The following ZNF609 variants were observed in gnomAD, a reference collection of about 807,000 sequenced individuals.
ZNF609 encodes the protein zinc finger protein 609.
In ZNF609, 11 loss-of-function variants were observed where a neutral mutation model predicts 109.5. The ratio of observed to expected loss-of-function variants is 0.10; its 90% CI spans 0.06 to 0.17. The LOEUF (loss-of-function observed/expected upper bound fraction) is 0.17. ZNF609 is among the 10% of genes least tolerant of loss of function. ZNF609 has a pLI of 1.00. For synonymous variants in ZNF609, 646 were observed against 662.0 expected (o/e 0.98, Z 0.37); for missense variants, 1,559 against 1,772.4 (o/e 0.88, Z 2.16).
At chr15:64,637,691 A>G (rs372247975) in intron 3 of ZNF609, among the ~76,000 whole-genome samples, 2 of 151,876 alleles carry the variant, frequency 1.3e-5, no homozygotes, top group African/African-American at 4.8e-5. Flanking sequence ...TCTTTTACGA[A>G]GTGTCTGTTC....
Position 64,470,847 on chromosome 15 carries a change from A to G in ZNF609, c.-128+10009A>G, listed in dbSNP as rs1893081705. On this transcript the variant is annotated intron_variant, in intron 1 of 9. Coordinates refer to ENST00000326648, the MANE Select transcript of ZNF609 (RefSeq NM_015042.2). The stretch of plus-strand genomic sequence containing the variant: ...TTTCAAGCAGTTTTAAGGAAATAAA[A>G]TTACACAGCCAAGTTGTTAATTCCC... Among the ~76,000 whole-genome samples, 5 of 152,340 alleles carry G rather than the reference A, an allele frequency of 3.3e-5. No individual in the cohort carries two copies. The South Asian group carries it at 1.0e-3, about 32-fold the overall frequency.
chr15:64,486,390 G>A (rs1021513782), intron 1 of ZNF609, among the ~76,000 whole-genome samples: 4 of 151,966 alleles, frequency 2.6e-5, no homozygotes, highest in African/African-American at 7.2e-5. Flanking sequence ...CGGGTGTGGC[G>A]ACGTGCGCCT....
chr15:64,468,341 G>C (rs181041217), intron 1 of ZNF609, among the ~76,000 whole-genome samples: 1 of 150,840 alleles, frequency 6.6e-6, no homozygotes, highest in African/African-American at 2.4e-5. Context: ...CCTTAAGACA[G>C]GGTCTCACTC....
intron 1 of ZNF609, among the ~76,000 whole-genome samples, chr15:64,482,853 T>C (rs1302407706): frequency 2.0e-5 from 3 of 152,162 alleles, no homozygotes; most frequent in Non-Finnish European, 4.4e-5. Flanking sequence ...GTCAGAAAAT[T>C]GTTTTGTTGT....
intron 1 of ZNF609, among the ~76,000 whole-genome samples, chr15:64,489,290 A>G (rs1040271233): frequency 6.6e-6 from 1 of 151,506 alleles, no homozygotes; most frequent in Non-Finnish European, 1.5e-5. Flanking sequence ...AGTTCAAGCA[A>G]TTCTCCTGCC....
chr15:64,486,676 C>G (rs1162201559), intron 1 of ZNF609, among the ~76,000 whole-genome samples: 1 of 151,920 alleles, frequency 6.6e-6, no homozygotes, highest in Non-Finnish European at 1.5e-5. Flanking sequence ...AGTGCAGTGG[C>G]ATGATCTCAG....
At chr15:64,559,710 G>A (rs1030159064) in intron 2 of ZNF609, among the ~76,000 whole-genome samples, 2 of 152,110 alleles carry the variant, frequency 1.3e-5, no homozygotes, top group Non-Finnish European at 2.9e-5. Flanking sequence ...CATAGAACAT[G>A]TCTGTTTTGT....
chr15:64,509,273 C>A (rs1197122477), intron 2 of ZNF609, among the ~76,000 whole-genome samples: 4 of 151,958 alleles, frequency 2.6e-5, no homozygotes, highest in Non-Finnish European at 4.4e-5. Context: ...AAAAGATATT[C>A]AAAAAAGACC....
At chr15:64,645,351 A>G (rs1171862098) in intron 3 of ZNF609, among the ~76,000 whole-genome samples, 1 of 152,000 alleles carries the variant, frequency 6.6e-6, no homozygotes, top group African/African-American at 2.4e-5. Flanking sequence ...ACAGCCTCCC[A>G]AAATGCTGGG....
At chr15:64,489,114 A>T (rs187139286) in intron 1 of ZNF609, among the ~76,000 whole-genome samples, 11 of 151,048 alleles carry the variant, frequency 7.3e-5, no homozygotes, top group Admixed American at 4.6e-4. Flanking sequence ...GTCTCAAAAT[A>T]AAAAAAAAGG....
intron 4 of ZNF609, among the ~76,000 whole-genome samples, chr15:64,672,508 C>A (rs1896747698): frequency 6.7e-6 from 1 of 149,754 alleles, no homozygotes; most frequent in East Asian, 2.0e-4. Context: ...GCCTGTAACC[C>A]CAGCTACTCG....
intron 3 of ZNF609, among the ~76,000 whole-genome samples, chr15:64,646,146 A>G (rs8030458): frequency 0.81 from 123,069 of 152,178 alleles, 52,717 homozygotes; most frequent in East Asian, 1. Context: ...CCATCAACAG[A>G]TGAATGGATA....
intron 1 of ZNF609, among the ~76,000 whole-genome samples, chr15:64,487,369 T>G (rs1008163948): frequency 1.3e-5 from 2 of 152,240 alleles, no homozygotes; most frequent in Non-Finnish European, 2.9e-5. Context: ...TCATAGGTAT[T>G]TATTTTACTT....
intron 1 of ZNF609, among the ~76,000 whole-genome samples, chr15:64,497,621 G>T (rs1344576905): frequency 6.6e-6 from 1 of 151,932 alleles, no homozygotes; most frequent in Non-Finnish European, 1.5e-5. Flanking sequence ...TTACTTTTTG[G>T]CTGGACACGG....
intron 2 of ZNF609, among the ~76,000 whole-genome samples, chr15:64,590,679 T>TAC (rs1895278201): frequency 1.3e-5 from 2 of 151,020 alleles, no homozygotes; most frequent in African/African-American, 4.9e-5. Flanking sequence ...TACATGCATA[T>TAC]ATATATATGT....
At chr15:64,482,041 C>T (rs1462704199) in intron 1 of ZNF609, among the ~76,000 whole-genome samples, 1 of 152,116 alleles carries the variant, frequency 6.6e-6, no homozygotes, top group Admixed American at 6.5e-5. Flanking sequence ...CCTTGGCCTC[C>T]CAAGGCTGGG....
intron 2 of ZNF609, among the ~76,000 whole-genome samples, chr15:64,520,922 GC>G (rs1893882148): frequency 6.6e-6 from 1 of 152,166 alleles, no homozygotes; most frequent in Non-Finnish European, 1.5e-5. Context: ...CAAAGGAGAG[GC>G]TCACCTGATT....
At chr15:64,471,560 T>C (rs1893091340) in intron 1 of ZNF609, among the ~76,000 whole-genome samples, 1 of 152,134 alleles carries the variant, frequency 6.6e-6, no homozygotes, top group South Asian at 2.1e-4. Context: ...TGATTTATAT[T>C]AGAAATATAA....
In ZNF609 at chr15:64,675,205, G is replaced by T. The variant is rs773329924; in HGVS notation, c.2351G>T (p.Arg784Leu). The change falls in exon 5 of 10, where the codon CGA (arginine) becomes CTA (leucine). Residue 784 changes from arginine to leucine, a missense_variant. Arg to Leu is a moderately radical substitution (Grantham distance 102). Around this residue, in one of 4 missense-constraint regions of ZNF609, gnomAD observed 1,204 missense variants for 1,314.1 expected, o/e 0.92. Transcript: ENST00000326648. ...LNGSSDPHQSRLASIKAEADK... is the reference protein window; with the variant it reads ...LNGSSDPHQSLLASIKAEADK... ...GGCTCATCAGACCCCCACCAAAGCC[G>T]ACTGGCTAGCATCAAGGCTGAAGCC... 4 of 1,613,910 alleles carry T rather than the reference G, an allele frequency of 2.5e-6. No homozygotes were observed. The highest frequency in any genetic ancestry group is 1.7e-5 in the Admixed American group (1 of 59,994).
Sources: gnomAD v4.1 joint callset for allele counts (sites outside exome capture counted in the v4.1 genomes callset) on GRCh38, gnomAD v4.1.1 for gene constraint, gnomAD v4.1.1 regional missense constraint, MANE v1.5 for transcripts, NCBI Gene and HGNC (gene_info 2026-07-23, HGNC 2026-07-21) for gene names.